Variants in DYNC2I1 observed in about 807,000 individuals in gnomAD.
DYNC2I1 encodes the protein dynein 2 intermediate chain 1.
DYNC2I1 carries 89 observed loss-of-function variants against 133.4 expected under a neutral mutation model. That is an observed-to-expected ratio of 0.67 (90% CI 0.56 to 0.80). DYNC2I1 has a LOEUF of 0.80. Among genes scored for constraint, DYNC2I1 ranks in the 30% least tolerant of loss-of-function variants. The pLI is 0.00. For missense variants in DYNC2I1, 1,291 were observed against 1,314.5 expected, an observed-to-expected ratio of 0.98 and a Z score of 0.28; for synonymous variants, 504 against 484.3, an observed-to-expected ratio of 1.04 and a Z score of -0.54.
chr7:158,920,889 AAC>A (rs763715591), intron 15 of DYNC2I1, among the ~76,000 whole-genome samples: 2 of 152,138 alleles, frequency 1.3e-5, no homozygotes, highest in African/African-American at 4.8e-5. Context: ...TCACTATTAA[AAC>A]ACGCGGCAGA....
At chr7:158,905,898 T>C (rs1420669509) in intron 10 of DYNC2I1, 91 bp from the exon 11 acceptor site, 4 of 905,520 alleles carry the variant, frequency 4.4e-6, no homozygotes, top group Non-Finnish European at 6.9e-6. Flanking sequence ...ATAATTGTTA[T>C]ATATGCCTAT....
chr7:158,942,841 C>T (rs1016046498), intron 24 of DYNC2I1, among the ~76,000 whole-genome samples: 1 of 152,184 alleles, frequency 6.6e-6, no homozygotes, highest in Non-Finnish European at 1.5e-5. Context: ...TGTCAGTTCA[C>T]GTGATGTCAC....
In DYNC2I1 at chr7:158,945,703, C is replaced by T. The variant is rs200749348; in HGVS notation, c.3125C>T (p.Pro1042Leu). The change falls in exon 25 of 25, where the codon CCG becomes CTG. Residue 1042 changes from proline (P) to leucine (L), a missense_variant. Pro to Leu is a moderately conservative substitution (Grantham distance 98, BLOSUM62 -3). Transcript: ENST00000407559. This position sits in a 1 kb window ranked among gnomAD's most constrained non-coding sequence, Gnocchi z 4.1. ...IQHLKRRWAA[P>L]EVDECNRLRL... ...CACCTGAAGAGGCGGTGGGCGGCCC[C>T]GGAGGTGGACGAGTGCAACAGGCTG... is the stretch of plus-strand genomic sequence containing the variant. 1.7e-5 allele frequency: 28 copies of T among 1,610,928 alleles called. No homozygotes were observed. The East Asian group carries it at 2.2e-4, about 13-fold the overall frequency.
At chr7:158,893,863 G>C (rs565729884) in intron 8 of DYNC2I1, among the ~76,000 whole-genome samples, 1 of 151,036 alleles carries the variant, frequency 6.6e-6, no homozygotes, top group Non-Finnish European at 1.5e-5. Context: ...ACCACATATT[G>C]TACCACATAT....
At chr7:158,888,618 C>T (rs10263863) in intron 7 of DYNC2I1, among the ~76,000 whole-genome samples, 3,198 of 151,882 alleles carry the variant, frequency 0.021, 109 homozygotes, top group African/African-American at 0.073. Context: ...CACAGGCATG[C>T]GCCACCACAC....
Position 158,906,005 on chromosome 7 carries a change from T to C in DYNC2I1, c.1374T>C (p.Pro458=). The part of the protein sequence containing the change: ...KEPRTDTNSS[P]SRASVCGIFV... The stretch of plus-strand genomic sequence containing the variant: ...CTCACACAGATACAAACAGTTCCCC[T>C]TCCAGAGCCTCTGTTTGTGGAATTT... Residue 458 remains proline (P), a synonymous_variant, in exon 11 of 25, where the codon CCT becomes CCC. Coordinates refer to ENST00000407559, the MANE Select transcript of DYNC2I1 (RefSeq NM_018051.5). 1 of 1,613,890 alleles carries C rather than the reference T, an allele frequency of 6.2e-7. No homozygotes were observed. The highest frequency in any genetic ancestry group is 1.3e-5 in the African/African-American group (1 of 75,060).
chr7:158,911,718 G>A, intron 12 of DYNC2I1, 39 bp downstream of exon 12: 1 of 1,573,910 alleles, frequency 6.4e-7, no homozygotes, highest in Admixed American at 1.9e-5. Context: ...TAAAATGCAA[G>A]TAAAGTCTAG....
At position 158,932,444 on chromosome 7, in the gene DYNC2I1, C is replaced by T. The variant is rs139081321; in HGVS notation, c.2547-1685C>T. Among the ~76,000 whole-genome samples the T allele has an allele frequency of 9.9e-5, 15 of 152,026 alleles. No individual in the cohort carries two copies. The East Asian group carries it at 2.9e-3, about 29-fold the overall frequency. On this transcript the variant is annotated intron_variant, in intron 21 of 24. Coordinates refer to ENST00000407559, the MANE Select transcript of DYNC2I1 (RefSeq NM_018051.5). ...GTTGAGGGAGGCAGGTGAGCCAGGC[C>T]CTAACGAGTCTGTCTGCCGTGCTAA... is the stretch of plus-strand genomic sequence containing the variant.
At chr7:158,913,941 C>T (rs1563157797) in intron 13 of DYNC2I1, among the ~76,000 whole-genome samples, 1 of 152,294 alleles carries the variant, frequency 6.6e-6, no homozygotes, top group Non-Finnish European at 1.5e-5. Context: ...AACTCCTGAC[C>T]TCAGATGATC....
chr7:158,842,641 C>T, the DYNC2I1 span, among the ~76,000 whole-genome samples: 9 of 152,228 alleles, frequency 5.9e-5, no homozygotes, highest in Non-Finnish European at 8.8e-5. Context: ...TCTTCCTTTT[C>T]GCTCATGTCA....
chr7:158,910,254 C>A (rs1033083366), intron 11 of DYNC2I1, among the ~76,000 whole-genome samples: 2 of 152,238 alleles, frequency 1.3e-5, no homozygotes, highest in Non-Finnish European at 2.9e-5. Context: ...GTGGGTGCGG[C>A]GTTTCGGGGC....
chr7:158,876,723 C>T, intron 4 of DYNC2I1, 32 bp downstream of exon 4: 1 of 1,511,898 alleles, frequency 6.6e-7, no homozygotes, highest in Non-Finnish European at 8.8e-7. Flanking sequence ...GAAAAGTTTT[C>T]CAAATGTTGC....
At chr7:158,896,688 G>T (rs773612228) in intron 8 of DYNC2I1, among the ~76,000 whole-genome samples, 1 of 152,052 alleles carries the variant, frequency 6.6e-6, no homozygotes, top group Non-Finnish European at 1.5e-5. Context: ...ACCTAGGCTG[G>T]TCTTGAACTC....
intron 11 of DYNC2I1, among the ~76,000 whole-genome samples, chr7:158,906,687 ACCT>A (rs1370052870): frequency 6.6e-6 from 1 of 152,060 alleles, no homozygotes. Context: ...CGAACTCCCG[ACCT>A]CAGGTGATCC....
At chr7:158,921,916 G>A (rs775493548) in intron 15 of DYNC2I1, among the ~76,000 whole-genome samples, 6 of 152,346 alleles carry the variant, frequency 3.9e-5, no homozygotes, top group East Asian at 3.9e-4. Context: ...GTCCCTCGCC[G>A]GGTGGAGCAG....
the DYNC2I1 span, among the ~76,000 whole-genome samples, chr7:158,843,765 A>C: frequency 1.3e-5 from 2 of 152,158 alleles, no homozygotes; most frequent in Admixed American, 6.6e-5. Flanking sequence ...CAGTAGATTT[A>C]GGGATTTATT....
chr7:158,913,973 G>A (rs951022913), intron 13 of DYNC2I1, among the ~76,000 whole-genome samples: 3 of 152,192 alleles, frequency 2.0e-5, no homozygotes, highest in South Asian at 2.1e-4. Flanking sequence ...GCCACCCAAA[G>A]TGCTGGGATT....
At chr7:158,895,946 G>T (rs977389257) in intron 8 of DYNC2I1, among the ~76,000 whole-genome samples, 1 of 152,188 alleles carries the variant, frequency 6.6e-6, no homozygotes, top group Non-Finnish European at 1.5e-5. Flanking sequence ...ATATAGGAAA[G>T]CGACTGACTT....
intron 4 of DYNC2I1, among the ~76,000 whole-genome samples, chr7:158,877,447 G>A (rs1192883940): frequency 6.6e-6 from 1 of 152,208 alleles, no homozygotes; most frequent in African/African-American, 2.4e-5. Flanking sequence ...ATTTCCTTAT[G>A]ATTAATTTCT....
Sources: allele counts gnomAD v4.1 joint callset (sites outside exome capture counted in the v4.1 genomes callset), GRCh38; gene constraint gnomAD v4.1.1; non-coding constraint Gnocchi (gnomAD v3.1); transcripts MANE v1.5; gene names NCBI Gene and HGNC (gene_info 2026-07-23, HGNC 2026-07-21).